The following CFAP299 variants were observed in gnomAD, a reference collection of about 807,000 sequenced individuals.
CFAP299 encodes the protein cilia- and flagella-associated protein 299.
CFAP299 carries 21 observed loss-of-function variants against 27.0 expected under a neutral mutation model. The observed-to-expected ratio is 0.78, with a 90% CI of 0.55 to 1.12. The LOEUF (loss-of-function observed/expected upper bound fraction) is 1.12. Ranked by LOEUF, CFAP299 falls within the 50% of genes most tolerant of loss-of-function variation. The pLI is 0.00. For missense variants in CFAP299, 310 were observed against 276.6 expected (o/e 1.12, Z -0.86); for synonymous variants, 104 against 98.1 (o/e 1.06, Z -0.36).
intron 1 of CFAP299, among the ~76,000 whole-genome samples, chr4:80,342,037 G>A (rs1722483806): frequency 6.6e-6 from 1 of 152,178 alleles, no homozygotes. Flanking sequence ...AGTATCAATA[G>A]CAGAATAGAC....
chr4:80,755,788 A>G (rs1234516635), intron 3 of CFAP299, among the ~76,000 whole-genome samples: 1 of 152,128 alleles, frequency 6.6e-6, no homozygotes, highest in Non-Finnish European at 1.5e-5. Context: ...TCTCATGAAT[A>G]AATAAAAGTG....
chr4:80,414,487 G>A (rs1434036821), intron 2 of CFAP299, among the ~76,000 whole-genome samples: 1 of 152,152 alleles, frequency 6.6e-6, no homozygotes, highest in East Asian at 1.9e-4. Context: ...AACATCAAAG[G>A]ATTTGTACTA....
At chr4:80,769,851 T>C (rs1726110567) in intron 3 of CFAP299, among the ~76,000 whole-genome samples, 1 of 152,228 alleles carries the variant, frequency 6.6e-6, no homozygotes. Context: ...TTATTTACTA[T>C]TGGCATAATT....
chr4:80,364,257 A>T (rs1723707613), intron 2 of CFAP299, among the ~76,000 whole-genome samples: 1 of 152,126 alleles, frequency 6.6e-6, no homozygotes, highest in African/African-American at 2.4e-5. Context: ...CTCCATGTTC[A>T]GTTTGGTTGG....
At chr4:80,523,812 C>T (rs1416949739) in intron 2 of CFAP299, among the ~76,000 whole-genome samples, 2 of 152,234 alleles carry the variant, frequency 1.3e-5, no homozygotes, top group African/African-American at 4.8e-5. Context: ...GAACCACTCC[C>T]TCATAATAAA....
At chr4:80,378,309 T>C (rs1448803455) in intron 2 of CFAP299, among the ~76,000 whole-genome samples, 1 of 152,208 alleles carries the variant, frequency 6.6e-6, no homozygotes, top group East Asian at 1.9e-4. Context: ...AACTTATCAG[T>C]TCTACTGGCT....
In CFAP299 at chr4:80,903,457, TA is replaced by T. The variant is rs1291298236; in HGVS notation, c.476+33324del. On this transcript the variant is annotated intron_variant, in intron 4 of 5. Transcript: ENST00000358105. ...TTTTTGCTATAATATTATTTTGTTCTAATTATAAAGACAACCTCTATTGAAG... is the reference window on the plus strand; with the variant it reads ...TTTTTGCTATAATATTATTTTGTTCTATTATAAAGACAACCTCTATTGAAG... Among the ~76,000 whole-genome samples the T allele has an allele frequency of 2.6e-5, 4 of 152,134 alleles. No homozygotes were observed. In the East Asian group the frequency reaches 7.7e-4, roughly 29 times the overall value.
intron 3 of CFAP299, among the ~76,000 whole-genome samples, chr4:80,591,912 A>G (rs555445034): frequency 6.6e-6 from 1 of 152,350 alleles, no homozygotes; most frequent in South Asian, 2.1e-4. Flanking sequence ...TAACAAAGAG[A>G]GAATAATCAT....
intron 3 of CFAP299, among the ~76,000 whole-genome samples, chr4:80,637,806 CAT>C (rs1739523879): frequency 1.3e-5 from 2 of 152,192 alleles, no homozygotes; most frequent in East Asian, 3.8e-4. Context: ...CAAAAACTAA[CAT>C]GTGCAAACAG....
intron 2 of CFAP299, among the ~76,000 whole-genome samples, chr4:80,424,937 A>G (rs1383774239): frequency 6.6e-6 from 1 of 152,176 alleles, no homozygotes; most frequent in African/African-American, 2.4e-5. Flanking sequence ...GAACCAGCAC[A>G]TAGTCCACGG....
intron 3 of CFAP299, among the ~76,000 whole-genome samples, chr4:80,845,106 T>G (rs1462767907): frequency 1.3e-5 from 2 of 152,182 alleles, no homozygotes; most frequent in African/African-American, 4.8e-5. Flanking sequence ...TCTATTCCAT[T>G]GGTCTATATC....
intron 4 of CFAP299, among the ~76,000 whole-genome samples, chr4:80,934,925 T>C (rs1460444451): frequency 6.6e-6 from 1 of 152,026 alleles, no homozygotes; most frequent in African/African-American, 2.4e-5. Flanking sequence ...TAACTCTGAG[T>C]TTAGCTTTTT....
At chr4:80,750,361 C>G (rs1724862151) in intron 3 of CFAP299, among the ~76,000 whole-genome samples, 1 of 152,008 alleles carries the variant, frequency 6.6e-6, no homozygotes, top group Non-Finnish European at 1.5e-5. Flanking sequence ...TCTGATATAT[C>G]TTATTATATA....
chr4:80,748,940 A>G (rs1253942227), intron 3 of CFAP299, among the ~76,000 whole-genome samples: 2 of 152,212 alleles, frequency 1.3e-5, no homozygotes, highest in African/African-American at 4.8e-5. Context: ...CTGCCCACAC[A>G]TAATACAACA....
intron 4 of CFAP299, among the ~76,000 whole-genome samples, chr4:80,931,403 T>C (rs978462869): frequency 2.0e-5 from 3 of 152,132 alleles, no homozygotes; most frequent in African/African-American, 7.2e-5. Flanking sequence ...GATGATGGTT[T>C]CTGAGAGGGA....
chr4:80,672,744 GT>G (rs1288393221), intron 3 of CFAP299, among the ~76,000 whole-genome samples: 1 of 152,174 alleles, frequency 6.6e-6, no homozygotes, highest in African/African-American at 2.4e-5. Flanking sequence ...GGGTGTATGT[GT>G]CCAAGAATTT....
At chr4:80,376,972 G>GTTTTATA (rs1004072553) in intron 2 of CFAP299, among the ~76,000 whole-genome samples, 6 of 152,118 alleles carry the variant, frequency 3.9e-5, no homozygotes, top group African/African-American at 1.2e-4. Flanking sequence ...TTGGTGAAAT[G>GTTTTATA]TTTTATTGAT....
At chr4:80,915,227 G>T (rs1294857636) in intron 4 of CFAP299, among the ~76,000 whole-genome samples, 31 of 151,460 alleles carry the variant, frequency 2.0e-4, no homozygotes, top group Admixed American at 2.0e-3. Flanking sequence ...TTTTATTTCA[G>T]TTTGGTTTTG....
intron 3 of CFAP299, among the ~76,000 whole-genome samples, chr4:80,843,659 T>C (rs1482747838): frequency 6.6e-6 from 1 of 152,074 alleles, no homozygotes; most frequent in Admixed American, 6.6e-5. Context: ...CGCCACACTG[T>C]CTTCCACAAT....
Sources: gnomAD v4.1 joint callset for allele counts (sites outside exome capture counted in the v4.1 genomes callset) on GRCh38, gnomAD v4.1.1 for gene constraint, MANE v1.5 for transcripts, NCBI Gene and HGNC (gene_info 2026-07-23, HGNC 2026-07-21) for gene names.